EPB41L2: variants seen among roughly 807,000 people sequenced by gnomAD.
EPB41L2 encodes the protein erythrocyte membrane protein band 4.1 like 2.
EPB41L2 carries 43 observed loss-of-function variants against 113.0 expected under a neutral mutation model. That is an observed-to-expected ratio of 0.38 (90% CI 0.30 to 0.49). EPB41L2 has a LOEUF of 0.49. Ranked by LOEUF, EPB41L2 falls within the 20% of genes least tolerant of loss-of-function variation. The pLI is 0.95. For synonymous variants in EPB41L2, 442 were observed against 436.7 expected (o/e 1.01, Z -0.15); for missense variants, 1,147 against 1,223.4 (o/e 0.94, Z 0.93).
chr6:131,060,553 A>G (rs760986433), intron 1 of EPB41L2, among the ~76,000 whole-genome samples: 4 of 152,206 alleles, frequency 2.6e-5, no homozygotes, highest in Non-Finnish European at 5.9e-5. Context: ...AGAACTAGTA[A>G]TTTGGAAAGG....
intron 6 of EPB41L2, among the ~76,000 whole-genome samples, chr6:130,904,049 C>T (rs1476021964): frequency 6.6e-6 from 1 of 152,124 alleles, no homozygotes; most frequent in Non-Finnish European, 1.5e-5. Context: ...ATTACCAGTT[C>T]AATTGGACTT....
chr6:130,908,738 T>C, intron 5 of EPB41L2, 83 bp downstream of exon 5: 1 of 1,061,428 alleles, frequency 9.4e-7, no homozygotes, highest in Admixed American at 2.3e-5. Context: ...AAAATAGAAC[T>C]GACCATTCTA....
intron 1 of EPB41L2, among the ~76,000 whole-genome samples, chr6:131,001,412 C>T (rs994934777): frequency 3.9e-5 from 6 of 152,266 alleles, no homozygotes; most frequent in African/African-American, 1.4e-4. Flanking sequence ...ATGGAACAAA[C>T]TTTTTGGTAC....
intron 1 of EPB41L2, among the ~76,000 whole-genome samples, chr6:130,995,487 T>G (rs917724152): frequency 2.0e-5 from 3 of 152,030 alleles, no homozygotes; most frequent in African/African-American, 7.3e-5. Context: ...GGTGACAGAG[T>G]GAGACCCTGT....
intron 8 of EPB41L2, among the ~76,000 whole-genome samples, chr6:130,896,265 A>T (rs889190258): frequency 6.6e-6 from 1 of 152,262 alleles, no homozygotes; most frequent in African/African-American, 2.4e-5. Flanking sequence ...ATAAAATTAC[A>T]TTAGACCAAC....
At chr6:131,032,895 C>A (rs1410279032) in intron 1 of EPB41L2, among the ~76,000 whole-genome samples, 2 of 152,110 alleles carry the variant, frequency 1.3e-5, no homozygotes, top group African/African-American at 4.8e-5. Context: ...GCTTGAAATC[C>A]CAGCACTCTG....
intron 11 of EPB41L2, among the ~76,000 whole-genome samples, chr6:130,886,239 T>C (rs114611192): frequency 4.1e-4 from 62 of 152,344 alleles, no homozygotes; most frequent in African/African-American, 1.4e-3. Context: ...CATACTGAAC[T>C]TGAGAGGCCT....
intron 17 of EPB41L2, among the ~76,000 whole-genome samples, chr6:130,864,483 C>T (rs1413765515): frequency 6.6e-6 from 1 of 152,188 alleles, no homozygotes; most frequent in Non-Finnish European, 1.5e-5. Context: ...GGGGAACTGC[C>T]TCACAGCGTT....
chr6:131,048,138 CAAAA>C (rs200522047), intron 1 of EPB41L2, among the ~76,000 whole-genome samples: 4 of 53,032 alleles, frequency 7.5e-5, no homozygotes, highest in Non-Finnish European at 1.8e-4. Flanking sequence ...GACTCTGTCT[CAAAA>C]AAAAAAAAAA....
chr6:130,999,591 C>T (rs1404069070), intron 1 of EPB41L2, among the ~76,000 whole-genome samples: 2 of 152,260 alleles, frequency 1.3e-5, no homozygotes, highest in East Asian at 3.9e-4. Flanking sequence ...ACTATCTTCA[C>T]CCTGCATGAT....
At chr6:131,039,200 G>T (rs1793952446) in intron 1 of EPB41L2, among the ~76,000 whole-genome samples, 1 of 152,308 alleles carries the variant, frequency 6.6e-6, no homozygotes, top group East Asian at 1.9e-4. Context: ...TCTCTCAACA[G>T]AATGTTTAGC....
intron 14 of EPB41L2, chr6:130,870,457 C>T (rs1785278896): frequency 2.1e-6 from 3 of 1,438,602 alleles, no homozygotes; most frequent in African/African-American, 2.8e-5. Context: ...AAACATCTGA[C>T]ACTGCAAAGA....
At chr6:130,885,058 A>C (rs1790497541) in intron 12 of EPB41L2, 38 bp downstream of exon 12, 1 of 1,606,848 alleles carries the variant, frequency 6.2e-7, no homozygotes, top group Admixed American at 1.7e-5. Flanking sequence ...TAGGTTAAGT[A>C]AATGTTTAAA....
intron 8 of EPB41L2, among the ~76,000 whole-genome samples, chr6:130,896,756 T>C (rs1794792125): frequency 6.6e-6 from 1 of 152,142 alleles, no homozygotes. Flanking sequence ...CCACATGGTA[T>C]CAAAATCAGA....
intron 3 of EPB41L2, among the ~76,000 whole-genome samples, chr6:130,935,232 T>C (rs1228812550): frequency 2.0e-5 from 3 of 152,230 alleles, no homozygotes; most frequent in African/African-American, 7.2e-5. Flanking sequence ...CCTGCAATCA[T>C]TTAAAAGGAA....
intron 1 of EPB41L2, among the ~76,000 whole-genome samples, chr6:130,983,546 T>G (rs1279745278): frequency 1.3e-5 from 2 of 148,272 alleles, no homozygotes; most frequent in Non-Finnish European, 3.0e-5. Flanking sequence ...TGAGACAGAG[T>G]CTTGAGTTCA....
At chr6:130,900,479 G>A (rs1362132249) in intron 7 of EPB41L2, among the ~76,000 whole-genome samples, 1 of 152,094 alleles carries the variant, frequency 6.6e-6, no homozygotes, top group African/African-American at 2.4e-5. Flanking sequence ...CTAAACCAAC[G>A]GGTCATCTTC....
At chr6:130,961,010 CTTTAT>C (rs1320267598) in intron 1 of EPB41L2, among the ~76,000 whole-genome samples, 7 of 152,164 alleles carry the variant, frequency 4.6e-5, no homozygotes, top group Non-Finnish European at 1.0e-4. Context: ...AATATCCTCA[CTTTAT>C]TTTATCAACA....
chr6:131,024,149 G>A (rs1251249554), intron 1 of EPB41L2, among the ~76,000 whole-genome samples: 1 of 152,104 alleles, frequency 6.6e-6, no homozygotes, highest in Admixed American at 6.6e-5. Context: ...CAAAAACTCA[G>A]CAGAATGAAC....
Sources: gnomAD v4.1 joint callset for allele counts (sites outside exome capture counted in the v4.1 genomes callset) on GRCh38, gnomAD v4.1.1 for gene constraint, MANE v1.5 for transcripts, NCBI Gene and HGNC (gene_info 2026-07-23, HGNC 2026-07-21) for gene names.